Variants in PRKDC observed in about 807,000 individuals in gnomAD.
PRKDC encodes protein kinase, DNA-activated, catalytic subunit.
PRKDC carries 82 observed loss-of-function variants against 486.9 expected under a neutral mutation model. The observed-to-expected ratio is 0.17, with a 90% confidence interval of 0.14 to 0.20. The LOEUF (loss-of-function observed/expected upper bound fraction) is 0.20. PRKDC is among the 10% of genes least tolerant of loss of function. PRKDC has a pLI of 1.00. For synonymous variants in PRKDC, 1,895 were observed against 1,837.0 expected, an observed-to-expected ratio of 1.03 and a Z score of -0.81; for missense variants, 4,504 against 5,038.2, an observed-to-expected ratio of 0.89 and a Z score of 3.21.
intron 49 of PRKDC, among the ~76,000 whole-genome samples, chr8:47,856,403 T>A (rs547468701): frequency 1.4e-4 from 21 of 152,248 alleles, no homozygotes; most frequent in African/African-American, 5.1e-4. Flanking sequence ...AATTTTTGCA[T>A]TTTTTTAGTA....
intron 71 of PRKDC, 48 bp from the exon 72 acceptor site, chr8:47,799,438 C>A: frequency 2.8e-6 from 4 of 1,426,284 alleles, no homozygotes; most frequent in South Asian, 1.7e-5. Context: ...GAAGCTTTCT[C>A]AAAGAACTCT....
At chr8:47,958,650 A>T (rs1212581964) in intron 1 of PRKDC, among the ~76,000 whole-genome samples, 4 of 152,136 alleles carry the variant, frequency 2.6e-5, no homozygotes, top group African/African-American at 9.7e-5. Flanking sequence ...TAATCACGCA[A>T]TGTTAGTTTT....
rs11311765 is a variant in PRKDC at position 47,819,513 on chromosome 8, TAAAAAAA to T, written c.9337-10_9337-4del. 25 of 552,012 alleles carry T rather than the reference TAAAAAAA, an allele frequency of 4.5e-5. No homozygotes were observed. Among genetic ancestry groups the T allele is most frequent in the Non-Finnish European group, 6.4e-5 (24 of 374,684 alleles). 34.2% of individuals were successfully genotyped at this position (552,012 alleles called of 1,614,324 possible). On this transcript the variant is annotated splice_region_variant and splice_polypyrimidine_tract_variant and intron_variant, in intron 66 of 85. Transcript: ENST00000314191. The stretch of plus-strand genomic sequence containing the variant: ...AGGACATCAATACTAGAATAATTCT[TAAAAAAA>T]AAAAAAAAAAAAAAGGGCATTTACA...
chr8:47,817,888 T>G (rs2087484495), intron 67 of PRKDC, among the ~76,000 whole-genome samples: 1 of 152,170 alleles, frequency 6.6e-6, no homozygotes, highest in Non-Finnish European at 1.5e-5. Context: ...GAAGCAAATT[T>G]TCTTGGCAAA....
chr8:47,858,400 C>T, intron 48 of PRKDC, 116 bp downstream of exon 48: 1 of 1,083,018 alleles, frequency 9.2e-7, no homozygotes, highest in Non-Finnish European at 1.3e-6. Flanking sequence ...TTATATTTTC[C>T]TTTTTTGTGT....
At chr8:47,886,746 G>A (rs1176720095) in intron 35 of PRKDC, among the ~76,000 whole-genome samples, 1 of 152,110 alleles carries the variant, frequency 6.6e-6, no homozygotes, top group Non-Finnish European at 1.5e-5. Flanking sequence ...GGAGTGCAGT[G>A]GCATGATCAT....
At chr8:47,894,815 A>G (rs1589772808) in intron 30 of PRKDC, among the ~76,000 whole-genome samples, 1 of 152,216 alleles carries the variant, frequency 6.6e-6, no homozygotes, top group Non-Finnish European at 1.5e-5. Flanking sequence ...TGTACCTGTA[A>G]TTCCAGCACT....
In PRKDC at chr8:47,878,782, T is replaced by C. The variant is rs190139480; in HGVS notation, c.5235+709A>G. On this transcript the variant is annotated intron_variant, in intron 39 of 85. Transcript: ENST00000314191. ...ATACCTTCTTTCATCTCTGAAACTG[T>C]TGTGTGCAGTTTCCACTGCACTTCA... is the stretch of plus-strand genomic sequence containing the variant. Among the ~76,000 whole-genome samples, 243 of 152,328 alleles carry C rather than the reference T, an allele frequency of 1.6e-3. 1 individual carries two copies. Among genetic ancestry groups the C allele is most frequent in the African/African-American group, 5.7e-3 (235 of 41,582 alleles).
At chr8:47,800,522 T>C (rs546568730) in intron 71 of PRKDC, among the ~76,000 whole-genome samples, 75 of 152,100 alleles carry the variant, frequency 4.9e-4, no homozygotes, top group African/African-American at 1.8e-3. Flanking sequence ...GATGAGTTAA[T>C]GGGTGCAGCA....
At chr8:47,788,872 T>C in intron 76 of PRKDC, 34 bp downstream of exon 76, 1 of 1,511,916 alleles carries the variant, frequency 6.6e-7, no homozygotes, top group Non-Finnish European at 8.8e-7. Context: ...ACAACGACTC[T>C]GCTATCAAAA....
chr8:47,896,800 C>A (rs1023934943), intron 30 of PRKDC, among the ~76,000 whole-genome samples: 1 of 152,210 alleles, frequency 6.6e-6, no homozygotes, highest in African/African-American at 2.4e-5. Context: ...CTTCCCCACT[C>A]CCAAGCTATC....
rs531235991 is a variant in PRKDC, at chr8:47,912,523, T to A, written c.2821A>T (p.Met941Leu). The A allele has an allele frequency of 6.2e-7, 1 of 1,612,670 alleles. No individual in the cohort carries two copies. Among genetic ancestry groups the A allele is most frequent in the Admixed American group, 1.7e-5 (1 of 59,870 alleles). ...GGCATCTGCGTGGCTTTGCCCAACA[T>A]AAACATAACCATGCTATGTAAAAGT... The part of the protein sequence containing the change: ...CELLHSMVMF[M>L]LGKATQMPEG... Residue 941 changes from methionine to leucine, a missense_variant, in exon 25 of 86, where the codon ATG becomes TTG. Physicochemically the swap from Met to Leu is conservative, Grantham distance 15. Around this residue, in one of 6 missense-constraint regions of PRKDC, gnomAD observed 1,969 missense variants for 2,068.9 expected, o/e 0.95. Transcript: ENST00000314191.
intron 28 of PRKDC, 36 bp from the exon 29 acceptor site, chr8:47,898,605 G>A (rs760492215): frequency 2.6e-5 from 31 of 1,185,240 alleles, no homozygotes; most frequent in Admixed American, 3.7e-5. Flanking sequence ...TCCAAAGAAG[G>A]CATATATAGC....
intron 41 of PRKDC, 64 bp from the exon 42 acceptor site, chr8:47,863,641 A>T: frequency 7.4e-7 from 1 of 1,343,360 alleles, no homozygotes; most frequent in East Asian, 2.4e-5. Flanking sequence ...CTTATAGAAT[A>T]TATCAAATTT....
chr8:47,859,001 GC>G lies in PRKDC; in HGVS notation c.6208-16del. The G allele has an allele frequency of 1.2e-6, 2 of 1,610,960 alleles. No homozygotes were observed. The highest frequency in any genetic ancestry group is 1.7e-6 in the Non-Finnish European group (2 of 1,179,812). On this transcript the variant is annotated splice_polypyrimidine_tract_variant and intron_variant, in intron 46 of 85. Coordinates refer to ENST00000314191, the MANE Select transcript of PRKDC (RefSeq NM_006904.7). The stretch of plus-strand genomic sequence containing the variant: ...TCCCGCTGCTCCTGCGAAAGGGAGG[GC>G]CCAGGAGAGCAGAGGGTACAGTTAA...
chr8:47,817,625 C>T, intron 67 of PRKDC, 64 bp from the exon 68 acceptor site: 1 of 1,038,910 alleles, frequency 9.6e-7, no homozygotes, highest in Non-Finnish European at 1.4e-6. Flanking sequence ...TGACAAAGGT[C>T]ATTATCAGTA....
intron 70 of PRKDC, among the ~76,000 whole-genome samples, chr8:47,802,251 T>G (rs1342045191): frequency 6.6e-6 from 1 of 152,004 alleles, no homozygotes; most frequent in Non-Finnish European, 1.5e-5. Context: ...TAGGATGATC[T>G]TCTGCTCTTG....
chr8:47,861,248 T>G (rs542127846), intron 44 of PRKDC, among the ~76,000 whole-genome samples: 1 of 152,208 alleles, frequency 6.6e-6, no homozygotes. Context: ...CTCTTATGCC[T>G]GGACTGCTGA....
intron 41 of PRKDC, 67 bp downstream of exon 41, chr8:47,864,489 G>A: frequency 1.4e-6 from 2 of 1,398,224 alleles, no homozygotes; most frequent in Non-Finnish European, 2.0e-6. Context: ...TGAGCACACA[G>A]CAGTGTCTAG....
Sources: allele counts gnomAD v4.1 joint callset (sites outside exome capture counted in the v4.1 genomes callset), GRCh38; gene constraint gnomAD v4.1.1; regional missense constraint gnomAD v4.1.1; transcripts MANE v1.5; gene names NCBI Gene and HGNC (gene_info 2026-07-23, HGNC 2026-07-21).